AK5: variants seen among roughly 807,000 people sequenced by gnomAD.
AK5 encodes the protein adenylate kinase 5.
AK5 carries 27 observed loss-of-function variants against 69.5 expected under a neutral mutation model. The ratio of observed to expected loss-of-function variants is 0.39; its 90% CI spans 0.29 to 0.54. AK5 has a LOEUF of 0.54. Ranked by LOEUF, AK5 falls within the 20% of genes least tolerant of loss-of-function variation. The pLI is 0.71. For synonymous variants in AK5, 260 were observed against 244.4 expected, an observed-to-expected ratio of 1.06 and a Z score of -0.60; for missense variants, 531 against 700.4, an observed-to-expected ratio of 0.76 and a Z score of 2.73.
chr1:77,368,271 ATGTTATATATG>A (rs1647049687), intron 6 of AK5, among the ~76,000 whole-genome samples: 4 of 88,270 alleles, frequency 4.5e-5, no homozygotes, highest in Admixed American at 1.6e-4. Context: ...TGTTATATAT[ATGTTATATATG>A]TTATATATAT....
chr1:77,395,903 C>T (rs1350106256), intron 6 of AK5, among the ~76,000 whole-genome samples: 1 of 152,166 alleles, frequency 6.6e-6, no homozygotes, highest in African/African-American at 2.4e-5. Flanking sequence ...TTCATCCCCT[C>T]TATCAGCCCA....
chr1:77,372,576 A>C (rs1647139915), intron 6 of AK5, among the ~76,000 whole-genome samples: 1 of 152,194 alleles, frequency 6.6e-6, no homozygotes, highest in African/African-American at 2.4e-5. Flanking sequence ...AATGTTTCCT[A>C]ATGAGCTTCT....
chr1:77,361,927 A>G (rs2100440129), intron 6 of AK5, among the ~76,000 whole-genome samples: 1 of 152,202 alleles, frequency 6.6e-6, no homozygotes, highest in East Asian at 1.9e-4. Flanking sequence ...TTGGGTGGGG[A>G]CACAGCCAAA....
At chr1:77,287,937 T>C (rs2100643167) in intron 2 of AK5, among the ~76,000 whole-genome samples, 1 of 152,184 alleles carries the variant, frequency 6.6e-6, no homozygotes, top group East Asian at 1.9e-4. Context: ...CTTGTCTACC[T>C]ATTAAGCTAG....
intron 13 of AK5, among the ~76,000 whole-genome samples, chr1:77,539,222 G>A (rs1041809911): frequency 2.6e-5 from 4 of 152,200 alleles, no homozygotes; most frequent in African/African-American, 7.2e-5. Flanking sequence ...GGCCCAGAAC[G>A]GGAGCCTAGT....
intron 13 of AK5, among the ~76,000 whole-genome samples, chr1:77,558,090 C>A (rs1198457063): frequency 6.6e-6 from 1 of 152,126 alleles, no homozygotes; most frequent in Non-Finnish European, 1.5e-5. Context: ...TCAGTTTATC[C>A]ATCCATTAAA....
At chr1:77,543,363 C>T (rs1187618498) in intron 13 of AK5, among the ~76,000 whole-genome samples, 1 of 152,112 alleles carries the variant, frequency 6.6e-6, no homozygotes, top group Non-Finnish European at 1.5e-5. Context: ...AATTTTGATT[C>T]TTCTTTCAGT....
intron 8 of AK5, among the ~76,000 whole-genome samples, chr1:77,425,497 G>A (rs1211438377): frequency 1.3e-5 from 2 of 152,168 alleles, no homozygotes; most frequent in Admixed American, 6.5e-5. Flanking sequence ...TGAGGCAGGA[G>A]AATTGCTTGA....
chr1:77,436,967 A>C (rs1267926619), intron 8 of AK5, among the ~76,000 whole-genome samples: 1 of 152,140 alleles, frequency 6.6e-6, no homozygotes, highest in Non-Finnish European at 1.5e-5. Context: ...AAGGAATTAC[A>C]TAAACAAAGA....
chr1:77,550,690 A>G (rs1417635385), intron 13 of AK5, among the ~76,000 whole-genome samples: 1 of 152,240 alleles, frequency 6.6e-6, no homozygotes, highest in Non-Finnish European at 1.5e-5. Context: ...TTTGAGTTGC[A>G]GTTATATACA....
intron 5 of AK5, among the ~76,000 whole-genome samples, chr1:77,312,611 T>TAAAAA (rs5775383): frequency 8.1e-6 from 1 of 123,256 alleles, no homozygotes; most frequent in South Asian, 2.6e-4. Flanking sequence ...CGAGTCTGTC[T>TAAAAA]AAAAAAAAAA....
intron 6 of AK5, among the ~76,000 whole-genome samples, chr1:77,388,308 A>G (rs1160907671): frequency 6.6e-6 from 1 of 152,232 alleles, no homozygotes; most frequent in Non-Finnish European, 1.5e-5. Context: ...TCAAGCTGCT[A>G]GATTAACAGA....
At chr1:77,345,671 T>G (rs555965692) in intron 6 of AK5, among the ~76,000 whole-genome samples, 26 of 152,314 alleles carry the variant, frequency 1.7e-4, no homozygotes, top group African/African-American at 2.9e-4. Context: ...CCTGTCAAAC[T>G]ACACCATTGT....
intron 3 of AK5, among the ~76,000 whole-genome samples, 154 bp downstream of exon 3, chr1:77,294,114 T>G (rs894770554): frequency 6.6e-6 from 1 of 152,228 alleles, no homozygotes; most frequent in Non-Finnish European, 1.5e-5. Flanking sequence ...ATATTCTTAG[T>G]ATAAGTTTCA....
At chr1:77,357,479 A>T (rs889601848) in intron 6 of AK5, among the ~76,000 whole-genome samples, 4 of 151,534 alleles carry the variant, frequency 2.6e-5, no homozygotes, top group Non-Finnish European at 5.9e-5. Context: ...ACTCCAAAAC[A>T]TAAATGATCT....
At chr1:77,402,213 G>A (rs929544936) in intron 6 of AK5, among the ~76,000 whole-genome samples, 5 of 151,964 alleles carry the variant, frequency 3.3e-5, no homozygotes, top group Non-Finnish European at 5.9e-5. Context: ...CTATGCTACC[G>A]CTGCAGCACT....
rs757594684 is a variant in AK5 at position 77,376,433 on chromosome 1, C to CAAAAAAAA, written c.892-34538_892-34531dup. ...GTGAGCACTTCAGTGCACTCAATGC[C>CAAAAAAAA]AAAAAAAAAAAAAAAAACAAAAAAA... On this transcript the variant is annotated intron_variant, in intron 6 of 13. Coordinates refer to ENST00000354567, the MANE Select transcript of AK5 (RefSeq NM_174858.3). Among the ~76,000 whole-genome samples the CAAAAAAAA allele has an allele frequency of 3.8e-3, 51 of 13,414 alleles. 4 individuals are homozygous for CAAAAAAAA. The highest frequency in any genetic ancestry group is 0.011 in the African/African-American group (43 of 3,932). 8.8% of individuals were successfully genotyped at this position (13,414 alleles called of 152,430 possible).
intron 6 of AK5, among the ~76,000 whole-genome samples, chr1:77,346,974 T>C (rs936516944): frequency 2.0e-5 from 3 of 152,222 alleles, no homozygotes; most frequent in African/African-American, 4.8e-5. Context: ...TGTAATGTGT[T>C]ACATAATGAA....
chr1:77,423,753 T>C (rs1465777556), intron 8 of AK5, among the ~76,000 whole-genome samples: 2 of 152,204 alleles, frequency 1.3e-5, no homozygotes, highest in African/African-American at 4.8e-5. Flanking sequence ...CTGTAAGTTT[T>C]ACCTCCAGGA....
Sources: allele counts gnomAD v4.1 joint callset (sites outside exome capture counted in the v4.1 genomes callset), GRCh38; gene constraint gnomAD v4.1.1; transcripts MANE v1.5; gene names NCBI Gene and HGNC (gene_info 2026-07-23, HGNC 2026-07-21).